The following RAD51D variants were observed in gnomAD, a reference collection of about 807,000 sequenced individuals.
RAD51D encodes DNA repair protein RAD51 homolog 4.
RAD51D carries 38 observed loss-of-function variants against 44.1 expected under a neutral mutation model. The observed-to-expected ratio is 0.86, with a 90% CI of 0.67 to 1.13. The LOEUF (loss-of-function observed/expected upper bound fraction) is 1.13, where lower values mean the gene tolerates loss of function less well. RAD51D is among the 50% of genes most tolerant of loss of function. The pLI, the probability that RAD51D is intolerant of heterozygous loss-of-function variation, is 0.00. For missense variants in RAD51D, 390 were observed against 414.0 expected (o/e 0.94, Z 0.50); for synonymous variants, 141 against 166.6 (o/e 0.85, Z 1.18).
rs71369055 is a variant in RAD51D at position 35,097,517 on chromosome 17, G to GTATATA, written c.*3430_*3435dup. The GTATATA allele has an allele frequency of 3.5e-5, 5 of 141,430 alleles. No individual in the cohort carries two copies. Among genetic ancestry groups the GTATATA allele is most frequent in the Admixed American group, 1.4e-4 (2 of 14,326 alleles). The allele number at this position is 141,430 out of a possible 1,614,324, so 8.8% of individuals were successfully genotyped here. On this transcript the variant is annotated 3_prime_UTR_variant, in exon 10 of 10. Coordinates refer to ENST00000345365, the MANE Select transcript of RAD51D (RefSeq NM_002878.4). Reference sequence around the variant, plus strand: ...TGTGTATATGTGTGTGTGTGTGTGTGTATATATATATATATATGTATATGT... The same window carrying GTATATA: ...TGTGTATATGTGTGTGTGTGTGTGTGTATATATATATATATATATATATGTATATGT...
Position 35,116,998 on chromosome 17 carries a change from G to A in RAD51D, c.263+1503C>T, listed in dbSNP as rs753486358. On this transcript the variant is annotated intron_variant, in intron 3 of 9. Coordinates refer to ENST00000345365, the MANE Select transcript of RAD51D (RefSeq NM_002878.4). ...CTCCCTGCGGGGACCTGAGGCAGCT[G>A]CAGTCCTCCCAGGTTCCCACTTGAG... is the stretch of plus-strand genomic sequence containing the variant. 4.3e-6 allele frequency: 7 copies of A among 1,613,746 alleles called. No individual in the cohort carries two copies. The East Asian group carries it at 1.3e-4, about 31-fold the overall frequency.
rs1185938463 is a variant in RAD51D, at chr17:35,097,487, ATATG to A, written c.*3462_*3465del. The A allele has an allele frequency of 1.5e-5, 2 of 129,220 alleles. No individual in the cohort carries two copies. Among genetic ancestry groups the A allele is most frequent in the Admixed American group, 7.9e-5 (1 of 12,626 alleles). 8.0% of individuals were successfully genotyped at this position (129,220 alleles called of 1,614,324 possible). ...TATATGTGTGTATATATATGTATATATATGTGTGTATATGTGTGTGTGTGTGTGT... is the reference window on the plus strand; with the variant it reads ...TATATGTGTGTATATATATGTATATATGTGTATATGTGTGTGTGTGTGTGT... On this transcript the variant is annotated 3_prime_UTR_variant, in exon 10 of 10. Transcript: ENST00000345365.
Position 35,106,043 on chromosome 17 carries a change from CAT to C in RAD51D, c.576+341_576+342del, listed in dbSNP as rs28363276. 2.1e-4 allele frequency: 101 copies of C among 470,114 alleles called. No homozygotes were observed. The East Asian group carries it at 3.0e-3, about 14-fold the overall frequency. The allele number at this position is 470,114 out of a possible 1,614,324, so 29.1% of individuals were successfully genotyped here. ...GCATGGACCTGCCAACCTCCCAACT[CAT>C]GTGACATAATTAAATGTCCTCAAGC... is the stretch of plus-strand genomic sequence containing the variant. On this transcript the variant is annotated intron_variant, in intron 6 of 9. Transcript: ENST00000345365.
intron 3 of RAD51D, 113 bp downstream of exon 3, chr17:35,118,388 A>C: frequency 2.3e-6 from 2 of 860,102 alleles, no homozygotes; most frequent in Non-Finnish European, 3.9e-6. Flanking sequence ...CTTCCCATCC[A>C]TTATTGGTTA....
rs1241907263 is a variant in RAD51D at position 35,106,915 on chromosome 17, T to A, written c.480+73A>T. The stretch of plus-strand genomic sequence containing the variant: ...GCAAGGAATGACTATTCAACCCAAA[T>A]TCTTACAATGTTAAGGGATAATGGG... On this transcript the variant is annotated intron_variant, in intron 5 of 9. Transcript: ENST00000345365. 3 of 1,610,630 alleles carry A rather than the reference T, an allele frequency of 1.9e-6. No homozygotes were observed. In the East Asian group the frequency reaches 6.7e-5, roughly 36 times the overall value.
intron 3 of RAD51D, among the ~76,000 whole-genome samples, chr17:35,112,513 GATTACAACC>G (rs1476074820): frequency 6.6e-6 from 1 of 152,070 alleles, no homozygotes; most frequent in African/African-American, 2.4e-5. Flanking sequence ...AAGTGGCTGG[GATTACAACC>G]ACCCACCACC....
intron 3 of RAD51D, 140 bp downstream of exon 3, chr17:35,118,361 A>C: frequency 1.4e-6 from 1 of 719,924 alleles, no homozygotes. Flanking sequence ...AAGAATTCAG[A>C]TGTCCTGACC....
At chr17:35,107,195 C>T (rs2142434970) in intron 4 of RAD51D, 73 bp from the exon 5 acceptor site, 1 of 1,580,720 alleles carries the variant, frequency 6.3e-7, no homozygotes, top group East Asian at 2.2e-5. Context: ...CCAAACCTTG[C>T]CCAGATTCCA....
At chr17:35,113,175 A>G (rs1441638416) in intron 3 of RAD51D, among the ~76,000 whole-genome samples, 2 of 152,110 alleles carry the variant, frequency 1.3e-5, no homozygotes, top group Non-Finnish European at 2.9e-5. Context: ...TAGCCCTACA[A>G]TCACCTTCCT....
chr17:35,116,762 G>A (rs570106145), intron 3 of RAD51D: 6 of 922,580 alleles, frequency 6.5e-6, no homozygotes, highest in Non-Finnish European at 1.0e-5. Context: ...CCAAAGTGCT[G>A]TGATCACAGG....
rs1187944465 is a variant in RAD51D, at chr17:35,107,359, C to A, written c.345+7G>T. On this transcript the variant is annotated splice_region_variant and intron_variant, in intron 4 of 9. Coordinates refer to ENST00000345365, the MANE Select transcript of RAD51D (RefSeq NM_002878.4). The stretch of plus-strand genomic sequence containing the variant: ...TAAATCCTCCTGACTGCTGGCCTCA[C>A]ATGTACCTGAGTTTTGCCGCTACCT... 1.9e-6 allele frequency: 3 copies of A among 1,541,148 alleles called. No individual in the cohort carries two copies.
rs1302931363 is a variant in RAD51D, at chr17:35,092,711, T to TTTTTG, written c.*8237_*8241dup. 6 of 152,084 alleles carry TTTTTG rather than the reference T, an allele frequency of 3.9e-5. No individual in the cohort carries two copies. Among genetic ancestry groups the TTTTTG allele is most frequent in the South Asian group, 2.1e-4 (1 of 4,818 alleles). The allele number at this position is 152,084 out of a possible 1,614,324, so 9.4% of individuals were successfully genotyped here. On this transcript the variant is annotated 3_prime_UTR_variant, in exon 10 of 10. Transcript: ENST00000345365. Reference sequence around the variant, plus strand: ...ATAGCTTCTGTAAAATATAAAGTGTTTTTTGTTTTGTTTTGTTTTTTTAAT... The same window carrying TTTTTG: ...ATAGCTTCTGTAAAATATAAAGTGTTTTTTGTTTTGTTTTGTTTTGTTTTTTTAAT...
chr17:35,107,153 A>G (rs1354944559), intron 4 of RAD51D, 31 bp from the exon 5 acceptor site: 4 of 1,613,320 alleles, frequency 2.5e-6, no homozygotes, highest in South Asian at 1.1e-5. Flanking sequence ...TGAACTTGAC[A>G]CTTCAGAGAG....
intron 5 of RAD51D, 82 bp from the exon 6 acceptor site, chr17:35,106,563 C>T (rs570386970): frequency 3.9e-6 from 4 of 1,025,844 alleles, no homozygotes; most frequent in African/African-American, 1.6e-5. Flanking sequence ...GGAAGAGGCA[C>T]CTGGATGCAA....
chr17:35,112,988 A>T (rs967228389), intron 3 of RAD51D, among the ~76,000 whole-genome samples: 3 of 152,124 alleles, frequency 2.0e-5, no homozygotes, highest in African/African-American at 7.2e-5. Flanking sequence ...TATCATCAAC[A>T]CTGGCTGTGA....
intron 3 of RAD51D, among the ~76,000 whole-genome samples, chr17:35,117,485 C>T (rs536276522): frequency 3.3e-5 from 5 of 152,282 alleles, no homozygotes; most frequent in African/African-American, 1.2e-4. Flanking sequence ...AACAACGTGG[C>T]GGGACATAAC....
chr17:35,116,980 C>CG (rs758114318), intron 3 of RAD51D: 5 of 1,613,930 alleles, frequency 3.1e-6, no homozygotes, highest in Non-Finnish European at 4.2e-6. Context: ...GATCTCCCTG[C>CG]GGGGACCTGA....
intron 1 of RAD51D, 152 bp downstream of exon 1, chr17:35,119,380 G>A (rs746323811): frequency 1.0e-4 from 104 of 1,007,866 alleles, no homozygotes; most frequent in Non-Finnish European, 1.0e-4. Flanking sequence ...GGCTCCCCAC[G>A]CCCACCCTTC....
chr17:35,101,449 CAG>C, intron 8 of RAD51D, 84 bp from the exon 9 acceptor site: 1 of 1,447,688 alleles, frequency 6.9e-7, no homozygotes, highest in South Asian at 1.1e-5. Context: ...GAGAGGAAAA[CAG>C]AGGCCTAGCA....
Sources: gnomAD v4.1 joint callset for allele counts (sites outside exome capture counted in the v4.1 genomes callset) on GRCh38, gnomAD v4.1.1 for gene constraint, MANE v1.5 for transcripts, NCBI Gene and HGNC (gene_info 2026-07-23, HGNC 2026-07-21) for gene names.